IDH2: variants seen among roughly 807,000 people sequenced by gnomAD.
IDH2 encodes isocitrate dehydrogenase (NADP(+)) 2, also known as isocitrate dehydrogenase [NADP], mitochondrial.
Under a neutral mutation model 50.5 loss-of-function variants are expected in IDH2, and 18 were observed. The observed-to-expected ratio is 0.36, with a 90% CI of 0.25 to 0.53. IDH2 has a LOEUF of 0.53. Ranked by LOEUF, IDH2 falls within the 20% of genes least tolerant of loss-of-function variation. The pLI, the probability that IDH2 is intolerant of heterozygous loss-of-function variation, is 0.92. For synonymous variants in IDH2, 280 were observed against 239.8 expected (o/e 1.17, Z -1.55); for missense variants, 518 against 610.7 (o/e 0.85, Z 1.60).
intron 1 of IDH2, among the ~76,000 whole-genome samples, chr15:90,101,171 A>AC (rs570453494): frequency 1.5e-4 from 22 of 150,272 alleles, no homozygotes; most frequent in East Asian, 1.2e-3. Context: ...AAGCCTCCCT[A>AC]CCCCCCCGGC....
Position 90,084,453 on chromosome 15 carries a change from C to T in IDH2, c.1272-100G>A. On this transcript the variant is annotated intron_variant, in intron 10 of 10. Transcript: ENST00000330062. This position sits in a 1 kb window ranked among gnomAD's most constrained non-coding sequence, Gnocchi z 5.0. ...AACAGCCTGAGCTTGGGCATCAGAACAGCCATCTCCTGCCACCCAGACTAC... is the reference window on the plus strand; with the variant it reads ...AACAGCCTGAGCTTGGGCATCAGAATAGCCATCTCCTGCCACCCAGACTAC... 2 of 1,061,414 alleles carry T rather than the reference C, an allele frequency of 1.9e-6. No homozygotes were observed. The highest frequency in any genetic ancestry group is 2.8e-6 in the Non-Finnish European group (2 of 705,758). 65.7% of individuals were successfully genotyped at this position (1,061,414 alleles called of 1,614,324 possible).
At position 90,102,440 on chromosome 15, in the gene IDH2, C is replaced by T; in HGVS notation, c.-50G>A. On this transcript the variant is annotated 5_prime_UTR_variant, in exon 1 of 11. Transcript: ENST00000330062. Reference sequence around the variant, plus strand: ...GGGCGGGAGAGGTCCGAGCGCGCGCCGCTCCTCCCGGCTGCCTGGCCGCGG... The same window carrying T: ...GGGCGGGAGAGGTCCGAGCGCGCGCTGCTCCTCCCGGCTGCCTGGCCGCGG... The T allele has an allele frequency of 9.4e-7, 1 of 1,062,688 alleles. No individual in the cohort carries two copies. The highest frequency in any genetic ancestry group is 1.2e-6 in the Non-Finnish European group (1 of 834,318). The allele number at this position is 1,062,688 out of a possible 1,614,324, so 65.8% of individuals were successfully genotyped here.
chr15:90,097,823 G>GT (rs1055658167), intron 1 of IDH2, among the ~76,000 whole-genome samples: 3 of 152,050 alleles, frequency 2.0e-5, no homozygotes, highest in Non-Finnish European at 4.4e-5. Flanking sequence ...AGTTTTATAC[G>GT]TTTTTTACCA....
chr15:90,087,199 C>A lies in IDH2; in HGVS notation c.880G>T (p.Val294Leu). 1 of 1,614,112 alleles carries A rather than the reference C, an allele frequency of 6.2e-7. No individual in the cohort carries two copies. Among genetic ancestry groups the A allele is most frequent in the Non-Finnish European group, 8.5e-7 (1 of 1,179,966 alleles). The change falls in exon 7 of 11, where the codon GTG becomes TTG. Residue 294 changes from valine to leucine, a missense_variant. Physicochemically the swap from Val to Leu is conservative, Grantham distance 32. Around this residue, in one of 5 missense-constraint regions of IDH2, gnomAD observed 23 missense variants for 57.9 expected, o/e 0.40. Coordinates refer to ENST00000330062, the MANE Select transcript of IDH2 (RefSeq NM_002168.4). Reference sequence around the variant, plus strand: ...CCCGAAGACTTGAGGACCTGAGCCACCATGTCATCAATGAGCCGGTGCTCA... The same window carrying A: ...CCCGAAGACTTGAGGACCTGAGCCAACATGTCATCAATGAGCCGGTGCTCA... The part of the protein sequence containing the change: ...WYEHRLIDDM[V>L]AQVLKSSGGF...
At position 90,085,920 on chromosome 15, in the gene IDH2, C is replaced by T. The variant is rs1356442807; in HGVS notation, c.968-533G>A. On this transcript the variant is annotated intron_variant, in intron 7 of 10. Transcript: ENST00000330062. This position sits in a 1 kb window ranked among gnomAD's most constrained non-coding sequence, Gnocchi z 5.5. ...GACTCCAGGGCTTCAAAGGCACCCC[C>T]ATGACACCAAAATAAGGATTGAAGA... Among the ~76,000 whole-genome samples, 1 of 152,210 alleles carries T rather than the reference C, an allele frequency of 6.6e-6. No individual in the cohort carries two copies. The highest frequency in any genetic ancestry group is 1.5e-5 in the Non-Finnish European group (1 of 68,034).
In IDH2 at chr15:90,088,859, A is replaced by AG. The variant is rs1900950524; in HGVS notation, c.374-113dup. On this transcript the variant is annotated intron_variant, in intron 3 of 10. Transcript: ENST00000330062. ...GGGGTCCTAAAATTCTTCATGAGGA[A>AG]GGCAGTAGAGTCTAGAGTGCAAATG... 7.2e-6 allele frequency: 8 copies of AG among 1,106,456 alleles called. No individual in the cohort carries two copies. The South Asian group carries it at 1.0e-4, about 14-fold the overall frequency. The allele number at this position is 1,106,456 out of a possible 1,614,324, so 68.5% of individuals were successfully genotyped here.
In IDH2 at chr15:90,085,502, A is replaced by T; in HGVS notation, c.968-115T>A. The T allele has an allele frequency of 1.3e-6, 1 of 759,956 alleles. No homozygotes were observed. Among genetic ancestry groups the T allele is most frequent in the Non-Finnish European group, 2.3e-6 (1 of 436,480 alleles). 47.1% of individuals were successfully genotyped at this position (759,956 alleles called of 1,614,324 possible). A position where few individuals can be genotyped will look rare whatever the true frequency, so the allele number is the denominator to read the frequency against. On this transcript the variant is annotated intron_variant, in intron 7 of 10. Coordinates refer to ENST00000330062, the MANE Select transcript of IDH2 (RefSeq NM_002168.4). The surrounding 1 kb of genome is among the most constrained non-coding windows in gnomAD (Gnocchi z 5.5). ...GCTGCCATAGTTCGTGGCTCTACTCAGCCTCCCCCAGCTGCAACTGGGAGG... is the reference window on the plus strand; with the variant it reads ...GCTGCCATAGTTCGTGGCTCTACTCTGCCTCCCCCAGCTGCAACTGGGAGG...
rs118148483 is a variant in IDH2, at chr15:90,084,618, T to G, written c.1271+198A>C. Among the ~76,000 whole-genome samples the G allele has an allele frequency of 8.6e-5, 13 of 152,022 alleles. No homozygotes were observed. The East Asian group carries it at 2.5e-3, about 30-fold the overall frequency. ...GGGCAGGGTCGGAAGGAGCTCTGAG[T>G]AGCCAGCCTCAGGGATGGGGAGGAA... On this transcript the variant is annotated intron_variant, in intron 10 of 10. Transcript: ENST00000330062. This position sits in a 1 kb window ranked among gnomAD's most constrained non-coding sequence, Gnocchi z 5.0.
Position 90,094,802 on chromosome 15 carries a change from T to C in IDH2, c.116-3158A>G, listed in dbSNP as rs1205819671. 3.3e-5 allele frequency among the ~76,000 whole-genome samples: 5 copies of C among 152,248 alleles called. No individual in the cohort carries two copies. In the East Asian group the frequency reaches 9.7e-4, roughly 29 times the overall value. On this transcript the variant is annotated intron_variant, in intron 1 of 10. Coordinates refer to ENST00000330062, the MANE Select transcript of IDH2 (RefSeq NM_002168.4). ...CTATAATCCCAGCTACCGAGGAGGC[T>C]GAGGCAGGAGAATCGCTTGAACCCG...
At chr15:90,090,302 C>G (rs1195612798) in intron 3 of IDH2, among the ~76,000 whole-genome samples, 177 bp downstream of exon 3, 1 of 152,234 alleles carries the variant, frequency 6.6e-6, no homozygotes, top group Non-Finnish European at 1.5e-5. Context: ...CCACCAGGCA[C>G]ACACAGGGAG....
rs150574164 is a variant in IDH2, at chr15:90,084,323, G to C, written c.1302C>G (p.Thr434=). Residue 434 remains threonine (T), a synonymous_variant, in exon 11 of 11, where the codon ACC becomes ACG. Coordinates refer to ENST00000330062, the MANE Select transcript of IDH2 (RefSeq NM_002168.4). The surrounding 1 kb of genome is among the most constrained non-coding windows in gnomAD (Gnocchi z 5.0). ...NVKLNEHFLN[T]TDFLDTIKSN... Reference sequence around the variant, plus strand: ...TCTTGATGGTGTCGAGGAAGTCCGTGGTGTTCAGGAAGTGCTCGTTCAGCT... The same window carrying C: ...TCTTGATGGTGTCGAGGAAGTCCGTCGTGTTCAGGAAGTGCTCGTTCAGCT... The C allele has an allele frequency of 1.9e-3, 2,990 of 1,614,006 alleles. 49 individuals carry two copies. The highest frequency in any genetic ancestry group is 8.3e-4 in the Non-Finnish European group (977 of 1,179,982).
intron 1 of IDH2, among the ~76,000 whole-genome samples, chr15:90,094,725 G>T (rs1901134777): frequency 6.6e-6 from 1 of 152,128 alleles, no homozygotes; most frequent in African/African-American, 2.4e-5. Context: ...GGCCAACATG[G>T]TGAAACCCCA....
intron 1 of IDH2, among the ~76,000 whole-genome samples, chr15:90,095,309 T>A (rs1209603502): frequency 6.6e-6 from 1 of 152,062 alleles, no homozygotes; most frequent in Non-Finnish European, 1.5e-5. Context: ...CAAGACGCGA[T>A]GGGGATTTTG....
chr15:90,089,399 C>T (rs1900971130), intron 3 of IDH2, among the ~76,000 whole-genome samples: 1 of 152,222 alleles, frequency 6.6e-6, no homozygotes, highest in Non-Finnish European at 1.5e-5. Context: ...CCACATCACA[C>T]ATGGAGGGAG....
In IDH2 at chr15:90,100,210, T is replaced by TAAAA. The variant is rs1901292439; in HGVS notation, c.115+2065_115+2066insTTTT. On this transcript the variant is annotated intron_variant, in intron 1 of 10. Transcript: ENST00000330062. The surrounding 1 kb of genome is among the most constrained non-coding windows in gnomAD (Gnocchi z 4.1). The stretch of plus-strand genomic sequence containing the variant: ...ATCTGCTGGTATTTTTAACATGGGT[T>TAAAA]TACAGAGTATAAACCCCAGGGAAGG... Among the ~76,000 whole-genome samples the TAAAA allele has an allele frequency of 6.6e-6, 1 of 152,142 alleles. No individual in the cohort carries two copies. Among genetic ancestry groups the TAAAA allele is most frequent in the Admixed American group, 6.6e-5 (1 of 15,266 alleles).
rs776544516 is a variant in IDH2 at position 90,084,392 on chromosome 15, G to T, written c.1272-39C>A. On this transcript the variant is annotated intron_variant, in intron 10 of 10. Coordinates refer to ENST00000330062, the MANE Select transcript of IDH2 (RefSeq NM_002168.4). This position sits in a 1 kb window ranked among gnomAD's most constrained non-coding sequence, Gnocchi z 5.0. ...ACCACTCACATCAGGGGTGGCTCCA[G>T]GCCTTGCCAAGGCCATCAGCCAGGC... is the stretch of plus-strand genomic sequence containing the variant. 1.9e-6 allele frequency: 3 copies of T among 1,584,662 alleles called. No individual in the cohort carries two copies. The African/African-American group carries it at 4.0e-5, about 21-fold the overall frequency.
At position 90,084,890 on chromosome 15, in the gene IDH2, C is replaced by T. The variant is rs748661115; in HGVS notation, c.1197G>A (p.Glu399=). The T allele has an allele frequency of 1.9e-6, 3 of 1,614,104 alleles. No homozygotes were observed. Among genetic ancestry groups the T allele is most frequent in the East Asian group, 2.2e-5 (1 of 44,878 alleles). The change falls in exon 10 of 11, where the codon GAG becomes GAA. Residue 399 remains glutamate, a synonymous_variant. Transcript: ENST00000330062. The surrounding 1 kb of genome is among the most constrained non-coding windows in gnomAD (Gnocchi z 5.0). ...QDLIRFAQML[E]KVCVETVESG... The stretch of plus-strand genomic sequence containing the variant: ...TCTCCACCGTCTCCACGCACACCTT[C>T]TCCAGCATCTGGGCAAACCTATGGG...
chr15:90,099,470 T>C (rs1044131076), intron 1 of IDH2, among the ~76,000 whole-genome samples: 1 of 152,150 alleles, frequency 6.6e-6, no homozygotes, highest in African/African-American at 2.4e-5. Flanking sequence ...TCTTCTCTTT[T>C]TGGGGGGAGA....
chr15:90,095,569 G>T (rs558647887), intron 1 of IDH2, among the ~76,000 whole-genome samples: 1 of 152,194 alleles, frequency 6.6e-6, no homozygotes, highest in Non-Finnish European at 1.5e-5. Flanking sequence ...TGGGCTCCAC[G>T]GTTGGGCTTC....
Sources: allele counts gnomAD v4.1 joint callset (sites outside exome capture counted in the v4.1 genomes callset), GRCh38; gene constraint gnomAD v4.1.1; regional missense constraint gnomAD v4.1.1; non-coding constraint Gnocchi (gnomAD v3.1); transcripts MANE v1.5; gene names NCBI Gene and HGNC (gene_info 2026-07-23, HGNC 2026-07-21).